Variants in POGZ observed in about 807,000 individuals in gnomAD.
The protein encoded by POGZ is pogo transposable element derived with ZNF domain.
A neutral mutation model predicts 134.6 loss-of-function variants in POGZ; 17 were observed. The observed-to-expected ratio is 0.13, with a 90% CI of 0.09 to 0.19. The LOEUF is 0.19. Ranked by LOEUF, POGZ falls within the 10% of genes least tolerant of loss-of-function variation. POGZ has a pLI of 1.00. For missense variants in POGZ, 1,306 were observed against 1,769.7 expected (o/e 0.74, Z 4.70); for synonymous variants, 693 against 657.1 (o/e 1.05, Z -0.84).
At position 151,405,040 on chromosome 1, in the gene POGZ, G is replaced by C; in HGVS notation, c.3995C>G (p.Pro1332Arg). The C allele has an allele frequency of 6.2e-7, 1 of 1,614,174 alleles. No individual in the cohort carries two copies. The highest frequency in any genetic ancestry group is 2.2e-5 in the East Asian group (1 of 44,882). ...SFLVASVLPG[P>R]DGNINSPTRN... ...TGTAGGTGAGTTAATGTTGCCATCG[G>C]GGCCAGGCAGAACACTAGCCACCAG... The change falls in exon 19 of 19, where the codon CCC (proline) becomes CGC (arginine). Residue 1332 changes from proline to arginine, a missense_variant. By Grantham distance (103) the Pro-to-Arg change is moderately radical (BLOSUM62 -2). Around this residue, in one of 10 missense-constraint regions of POGZ, gnomAD observed 107 missense variants for 97.9 expected, o/e 1.09. Transcript: ENST00000271715. The surrounding 1 kb of genome is among the most constrained non-coding windows in gnomAD (Gnocchi z 4.9).
intron 8 of POGZ, 65 bp downstream of exon 8, chr1:151,424,890 T>C: frequency 1.2e-6 from 1 of 814,296 alleles, no homozygotes. Flanking sequence ...GCTTACAAGC[T>C]TCCAATATTA....
At chr1:151,457,652 C>T (rs938588716) in intron 1 of POGZ, among the ~76,000 whole-genome samples, 3 of 152,178 alleles carry the variant, frequency 2.0e-5, no homozygotes, top group Non-Finnish European at 4.4e-5. Context: ...CCCGGCCGGG[C>T]GCGGTGGCTG....
At chr1:151,457,405 C>T (rs1377052983) in intron 1 of POGZ, among the ~76,000 whole-genome samples, 1 of 152,178 alleles carries the variant, frequency 6.6e-6, no homozygotes, top group Non-Finnish European at 1.5e-5. Context: ...CCCCCCTCTG[C>T]TCCATTCAAA....
At chr1:151,430,567 G>T in intron 4 of POGZ, 99 bp downstream of exon 4, 1 of 873,944 alleles carries the variant, frequency 1.1e-6, no homozygotes. Flanking sequence ...ACAAGACTTA[G>T]AACCACTTCT....
chr1:151,411,427 TTG>T (rs888457273), intron 12 of POGZ, among the ~76,000 whole-genome samples, 196 bp downstream of exon 12: 1 of 152,246 alleles, frequency 6.6e-6, no homozygotes, highest in African/African-American at 2.4e-5. Context: ...TTTTATTGTA[TTG>T]TTTGCCTTGT....
At chr1:151,411,191 C>T (rs1477619192) in intron 12 of POGZ, among the ~76,000 whole-genome samples, 1 of 152,204 alleles carries the variant, frequency 6.6e-6, no homozygotes, top group Non-Finnish European at 1.5e-5. Flanking sequence ...TAACTTCCAA[C>T]CCCTCTGTCT....
intron 12 of POGZ, 30 bp downstream of exon 12, chr1:151,411,595 A>C: frequency 6.7e-7 from 1 of 1,486,982 alleles, no homozygotes; most frequent in African/African-American, 1.4e-5. Flanking sequence ...AAAAAACAAG[A>C]GAATATGGGA....
intron 10 of POGZ, among the ~76,000 whole-genome samples, chr1:151,417,688 CCACACACACACACACACACA>C (rs59753677): frequency 9.5e-5 from 13 of 137,464 alleles, no homozygotes; most frequent in Non-Finnish European, 1.9e-4. Context: ...GGTACTGTGG[CCACACACACACACACACACA>C]CACACACACA....
At position 151,406,287 on chromosome 1, in the gene POGZ, G is replaced by T; in HGVS notation, c.2748C>A (p.Thr916=). The T allele has an allele frequency of 1.2e-6, 2 of 1,611,842 alleles. No individual in the cohort carries two copies. The highest frequency in any genetic ancestry group is 1.7e-6 in the Non-Finnish European group (2 of 1,178,596). Residue 916 remains threonine, a synonymous_variant, in exon 19 of 19, where the codon ACC becomes ACA. Transcript: ENST00000271715. ...PALPSPASTA[T]PPPTPTHPQA... The stretch of plus-strand genomic sequence containing the variant: ...GCGGGTGAGTGGGGGTTGGTGGTGG[G>T]GTTGCAGTTGAGGCTGGTGATGGGA...
In POGZ at chr1:151,405,701, T is replaced by C. The variant is rs1191231647; in HGVS notation, c.3334A>G (p.Ile1112Val). ...GLFIDFVQRQ[I>V]HNQDLPLSMI... The stretch of plus-strand genomic sequence containing the variant: ...GACAAGGGTAAGTCCTGGTTGTGAA[T>C]CTGCCGTTGTACAAAATCAATGAAG... Residue 1112 changes from isoleucine to valine, a missense_variant, in exon 19 of 19, where the codon ATT becomes GTT. Around this residue, in one of 10 missense-constraint regions of POGZ, gnomAD observed 161 missense variants for 185.4 expected, o/e 0.87. Transcript: ENST00000271715. This position sits in a 1 kb window ranked among gnomAD's most constrained non-coding sequence, Gnocchi z 4.9. 6 of 1,614,090 alleles carry C rather than the reference T, an allele frequency of 3.7e-6. No homozygotes were observed. The Admixed American group carries it at 5.0e-5, about 13-fold the overall frequency.
intron 1 of POGZ, among the ~76,000 whole-genome samples, chr1:151,443,942 C>T (rs924681968): frequency 2.0e-5 from 3 of 152,102 alleles, no homozygotes; most frequent in Non-Finnish European, 2.9e-5. Flanking sequence ...TAAGCGAAAA[C>T]CAAAACCAAA....
chr1:151,456,578 A>C (rs986258493), intron 1 of POGZ, among the ~76,000 whole-genome samples: 3 of 152,240 alleles, frequency 2.0e-5, no homozygotes, highest in Admixed American at 2.0e-4. Flanking sequence ...ACACCTCCCT[A>C]GGCAGCATAA....
chr1:151,435,441 T>C (rs1482231089), intron 3 of POGZ, among the ~76,000 whole-genome samples: 1 of 151,994 alleles, frequency 6.6e-6, no homozygotes, highest in East Asian at 1.9e-4. Context: ...TAGTAAATTC[T>C]AAAGAACATC....
In POGZ at chr1:151,406,435, TCATGCACTCGGTCACGAGTCTGGC is replaced by T. The variant is rs1653635853; in HGVS notation, c.2576_2599del (p.Gly859_His866del). 1 of 1,551,884 alleles carries T rather than the reference TCATGCACTCGGTCACGAGTCTGGC, an allele frequency of 6.4e-7. No homozygotes were observed. The highest frequency in any genetic ancestry group is 2.0e-5 in the Admixed American group (1 of 50,036). Reference sequence around the variant, plus strand: ...AGGGTACATATTCTTCACGTTCCGGTCATGCACTCGGTCACGAGTCTGGCCATGCCTAAAGGGGTGAGGAGCAAA... The same window carrying T: ...AGGGTACATATTCTTCACGTTCCGGTCATGCCTAAAGGGGTGAGGAGCAAA... On this transcript the variant is annotated inframe_deletion, in exon 19 of 19. Coordinates refer to ENST00000271715, the MANE Select transcript of POGZ (RefSeq NM_015100.4).
At chr1:151,443,101 T>C (rs775332343) in intron 1 of POGZ, among the ~76,000 whole-genome samples, 42 of 152,122 alleles carry the variant, frequency 2.8e-4, no homozygotes, top group Non-Finnish European at 5.1e-4. Context: ...GTGAGGTGAG[T>C]CAAGCAAGTG....
Position 151,406,006 on chromosome 1 carries a change from A to T in POGZ, c.3029T>A (p.Phe1010Tyr), listed in dbSNP as rs1352280934. Residue 1010 changes from phenylalanine (F) to tyrosine (Y), a missense_variant, in exon 19 of 19, where the codon TTC becomes TAC. Phe to Tyr is a conservative substitution (Grantham distance 22). Around this residue, in one of 10 missense-constraint regions of POGZ, gnomAD observed 214 missense variants for 255.5 expected, o/e 0.84. Coordinates refer to ENST00000271715, the MANE Select transcript of POGZ (RefSeq NM_015100.4). ...QRRIRRWLRR[F>Y]QASQGENLEG... ...TAGATTCTCCCCCTGGGAGGCCTGGAAACGTCGAAGCCAACGGCGAATACG... is the reference window on the plus strand; with the variant it reads ...TAGATTCTCCCCCTGGGAGGCCTGGTAACGTCGAAGCCAACGGCGAATACG... 6.2e-7 allele frequency: 1 copy of T among 1,614,222 alleles called. No homozygotes were observed. Among genetic ancestry groups the T allele is most frequent in the East Asian group, 2.2e-5 (1 of 44,886 alleles).
chr1:151,408,662 G>A (rs1654100918), intron 13 of POGZ, 32 bp downstream of exon 13: 4 of 1,610,118 alleles, frequency 2.5e-6, no homozygotes, highest in Middle Eastern at 1.7e-4. Context: ...CTCCCTCCCT[G>A]GGCCTATAAA....
At chr1:151,440,885 C>T (rs370322196) in intron 3 of POGZ, 43 bp downstream of exon 3, 24 of 1,559,212 alleles carry the variant, frequency 1.5e-5, no homozygotes, top group Admixed American at 6.7e-5. Context: ...TATTCTTTCA[C>T]CCCTCTAGCC....
intron 1 of POGZ, among the ~76,000 whole-genome samples, chr1:151,447,490 C>T (rs1661438655): frequency 6.6e-6 from 1 of 151,736 alleles, no homozygotes. Flanking sequence ...GATGTGGTCT[C>T]ATCCAGGCTG....
Sources: allele counts gnomAD v4.1 joint callset (sites outside exome capture counted in the v4.1 genomes callset), GRCh38; gene constraint gnomAD v4.1.1; regional missense constraint gnomAD v4.1.1; non-coding constraint Gnocchi (gnomAD v3.1); transcripts MANE v1.5; gene names NCBI Gene and HGNC (gene_info 2026-07-23, HGNC 2026-07-21).